GLYATL2: variants seen among roughly 807,000 people sequenced by gnomAD.
GLYATL2 encodes the protein glycine-N-acyltransferase like 2, also known as glycine N-acyltransferase-like protein 2.
Under a neutral mutation model 21.4 loss-of-function variants are expected in GLYATL2, and 25 were observed. That is an observed-to-expected ratio of 1.17 (90% CI 0.85 to 1.63). The LOEUF (loss-of-function observed/expected upper bound fraction) is 1.63, where lower values mean the gene tolerates loss of function less well. Among genes scored for constraint, GLYATL2 ranks in the 40% most tolerant of loss-of-function variants. The pLI, the probability that GLYATL2 is intolerant of heterozygous loss-of-function variation, is 0.00. For missense variants in GLYATL2, 361 were observed against 343.3 expected, an observed-to-expected ratio of 1.05 and a Z score of -0.41; for synonymous variants, 114 against 118.2, an observed-to-expected ratio of 0.96 and a Z score of 0.23.
In GLYATL2 at chr11:58,834,204, C is replaced by T; in HGVS notation, c.*225G>A. The stretch of plus-strand genomic sequence containing the variant: ...TGATTGGCTTTGGGTGATTTTAATT[C>T]TGAGATGTCTGTCATAAAGGAAATT... On this transcript the variant is annotated 3_prime_UTR_variant, in exon 6 of 6. Coordinates refer to ENST00000287275, the MANE Select transcript of GLYATL2 (RefSeq NM_145016.4). 1 of 371,380 alleles carries T rather than the reference C, an allele frequency of 2.7e-6. No homozygotes were observed. The highest frequency in any genetic ancestry group is 4.8e-6 in the Non-Finnish European group (1 of 209,620). 23.0% of individuals were successfully genotyped at this position (371,380 alleles called of 1,614,324 possible). A position where few individuals can be genotyped will look rare whatever the true frequency, so the allele number is the denominator to read the frequency against.
chr11:58,903,815 C>T (rs1279968002), intron 1 of GLYATL2, among the ~76,000 whole-genome samples: 1 of 152,156 alleles, frequency 6.6e-6, no homozygotes, highest in African/African-American at 2.4e-5. Flanking sequence ...GCCTCTTGCC[C>T]CTTCTTAAGG....
intron 1 of GLYATL2, among the ~76,000 whole-genome samples, chr11:58,843,676 G>A (rs766947519): frequency 6.6e-6 from 1 of 152,164 alleles, no homozygotes; most frequent in Non-Finnish European, 1.5e-5. Flanking sequence ...AAAAGCCATG[G>A]AAGAAAGTAC....
chr11:58,871,811 G>T (rs1169249604), intron 1 of GLYATL2, among the ~76,000 whole-genome samples: 1 of 152,170 alleles, frequency 6.6e-6, no homozygotes, highest in East Asian at 1.9e-4. Flanking sequence ...TAATGGGATG[G>T]CTGGGTCAAT....
At chr11:58,897,557 G>A (rs1429087299) in intron 1 of GLYATL2, among the ~76,000 whole-genome samples, 1 of 151,494 alleles carries the variant, frequency 6.6e-6, no homozygotes, top group Non-Finnish European at 1.5e-5. Context: ...ACACACACAC[G>A]GACGCACACA....
intron 1 of GLYATL2, among the ~76,000 whole-genome samples, chr11:58,891,843 C>T (rs190906112): frequency 2.4e-4 from 36 of 152,232 alleles, no homozygotes; most frequent in Non-Finnish European, 1.0e-4. Flanking sequence ...TTGTTGCAAT[C>T]TTGATTGTGC....
At chr11:58,880,489 G>A (rs1182913413) in intron 1 of GLYATL2, among the ~76,000 whole-genome samples, 1 of 152,078 alleles carries the variant, frequency 6.6e-6, no homozygotes, top group African/African-American at 2.4e-5. Flanking sequence ...GTTTTTTGTG[G>A]GGTGTGATAC....
chr11:58,872,156 T>A (rs1314410412), intron 1 of GLYATL2, among the ~76,000 whole-genome samples: 1 of 152,234 alleles, frequency 6.6e-6, no homozygotes, highest in Non-Finnish European at 1.5e-5. Context: ...GTAAATTTGT[T>A]TGAGTTCATT....
intron 1 of GLYATL2, among the ~76,000 whole-genome samples, chr11:58,875,789 A>T (rs1474197136): frequency 6.6e-6 from 1 of 151,918 alleles, no homozygotes; most frequent in African/African-American, 2.4e-5. Context: ...CTTCTCGAGG[A>T]GTATATTTGT....
At chr11:58,907,264 G>A, upstream of GLYATL2, 2 of 456,276 alleles carry the variant, frequency 4.4e-6, no homozygotes, top group Non-Finnish European at 8.8e-6. Context: ...TTTGTGGCCT[G>A]TGATCTCTTG....
At chr11:58,861,716 T>C (rs971671326) in intron 1 of GLYATL2, among the ~76,000 whole-genome samples, 3 of 152,092 alleles carry the variant, frequency 2.0e-5, no homozygotes, top group African/African-American at 7.2e-5. Context: ...AGTTTTGGTA[T>C]GTTGAGTTTC....
chr11:58,852,681 T>C (rs1402601442), intron 1 of GLYATL2, among the ~76,000 whole-genome samples: 1 of 152,182 alleles, frequency 6.6e-6, no homozygotes, highest in Admixed American at 6.5e-5. Flanking sequence ...TACAGACAAA[T>C]ATTCTTCTTC....
chr11:58,864,014 G>A (rs1198454712), intron 1 of GLYATL2, among the ~76,000 whole-genome samples: 6 of 152,108 alleles, frequency 3.9e-5, no homozygotes, highest in Non-Finnish European at 7.4e-5. Flanking sequence ...GATAAGGCTA[G>A]GGCTGCCAAC....
chr11:58,897,982 A>G (rs1392230124), intron 1 of GLYATL2, among the ~76,000 whole-genome samples: 1 of 152,216 alleles, frequency 6.6e-6, no homozygotes. Context: ...ACTGCTTTTT[A>G]AAAGAGGAAA....
chr11:58,874,792 A>G (rs1179655295), intron 1 of GLYATL2, among the ~76,000 whole-genome samples: 3 of 152,182 alleles, frequency 2.0e-5, no homozygotes, highest in Non-Finnish European at 4.4e-5. Flanking sequence ...AGTTCTGTAG[A>G]TGTCTATTAA....
At chr11:58,896,662 G>T (rs1304986904) in intron 1 of GLYATL2, among the ~76,000 whole-genome samples, 2 of 152,184 alleles carry the variant, frequency 1.3e-5, no homozygotes, top group Non-Finnish European at 2.9e-5. Context: ...TATTAGAGAG[G>T]CTGCAATAAA....
At chr11:58,897,000 G>GAA (rs1854647057) in intron 1 of GLYATL2, among the ~76,000 whole-genome samples, 1 of 152,000 alleles carries the variant, frequency 6.6e-6, no homozygotes. Context: ...AGATGAACCC[G>GAA]GGCCAGTTTT....
At chr11:58,857,950 G>A (rs1212897879) in intron 1 of GLYATL2, among the ~76,000 whole-genome samples, 1 of 150,762 alleles carries the variant, frequency 6.6e-6, no homozygotes, top group Non-Finnish European at 1.5e-5. Flanking sequence ...TCTTACTTGA[G>A]GAATTAGGTA....
chr11:58,875,840 T>C (rs890898004), intron 1 of GLYATL2, among the ~76,000 whole-genome samples: 1 of 152,260 alleles, frequency 6.6e-6, no homozygotes, highest in African/African-American at 2.4e-5. Flanking sequence ...TTGGCCTGCC[T>C]TGCTGGATTG....
chr11:58,891,871 T>C (rs958922939), intron 1 of GLYATL2, among the ~76,000 whole-genome samples: 1 of 152,114 alleles, frequency 6.6e-6, no homozygotes, highest in African/African-American at 2.4e-5. Context: ...TCGGTGATGC[T>C]GTATATAAAA....
Sources: gnomAD v4.1 joint callset for allele counts (sites outside exome capture counted in the v4.1 genomes callset) on GRCh38, gnomAD v4.1.1 for gene constraint, MANE v1.5 for transcripts, NCBI Gene and HGNC (gene_info 2026-07-23, HGNC 2026-07-21) for gene names.